The following SEC31A variants were observed in gnomAD, a reference collection of about 807,000 sequenced individuals.
The protein encoded by SEC31A is SEC31 homolog A, COPII component.
In SEC31A, 70 loss-of-function variants were observed where a neutral mutation model predicts 151.0. That is an observed-to-expected ratio of 0.46 (90% CI 0.38 to 0.57). The LOEUF (loss-of-function observed/expected upper bound fraction) is 0.57, where lower values mean the gene tolerates loss of function less well. SEC31A is among the 20% of genes least tolerant of loss of function. The pLI, the probability that SEC31A is intolerant of heterozygous loss-of-function variation, is 0.00. For missense variants in SEC31A, 1,330 were observed against 1,471.2 expected, an observed-to-expected ratio of 0.90 and a Z score of 1.57; for synonymous variants, 475 against 505.9, an observed-to-expected ratio of 0.94 and a Z score of 0.82.
chr4:82,869,856 A>C (rs1408476687), intron 8 of SEC31A, among the ~76,000 whole-genome samples: 2 of 152,232 alleles, frequency 1.3e-5, no homozygotes, highest in Non-Finnish European at 2.9e-5. Context: ...CACATAAAAA[A>C]GGTAAAAATA....
rs762132076 is a variant in SEC31A at position 82,874,727 on chromosome 4, C to A, written c.523G>T (p.Ala175Ser). The A allele has an allele frequency of 6.2e-7, 1 of 1,610,596 alleles. No individual in the cohort carries two copies. Among genetic ancestry groups the A allele is most frequent in the Non-Finnish European group, 8.5e-7 (1 of 1,179,394 alleles). ...TQPPEDISCI[A>S]WNRQVQHILA... ...ATATGCTGAACTTGTCTGTTCCATG[C>A]AATGCAGCTGATATCTTCTGGCGGC... The change falls in exon 6 of 27, where the codon GCA (alanine) becomes TCA (serine). Residue 175 changes from alanine to serine, a missense_variant. By Grantham distance (99) the Ala-to-Ser change is moderately conservative. Coordinates refer to ENST00000395310, the MANE Select transcript of SEC31A (RefSeq NM_001077207.4).
At chr4:82,838,905 A>G (rs1203621522) in intron 22 of SEC31A, among the ~76,000 whole-genome samples, 1 of 152,240 alleles carries the variant, frequency 6.6e-6, no homozygotes, top group Non-Finnish European at 1.5e-5. Context: ...GAAATTAACT[A>G]TTGAACAGCT....
chr4:82,837,604 C>CG (rs942157475), intron 22 of SEC31A, among the ~76,000 whole-genome samples: 3 of 152,048 alleles, frequency 2.0e-5, no homozygotes, highest in Non-Finnish European at 4.4e-5. Context: ...AGGCTGGTCT[C>CG]GAACTCCAGG....
At chr4:82,888,811 T>G (rs1312510074) in intron 1 of SEC31A, among the ~76,000 whole-genome samples, 4 of 152,258 alleles carry the variant, frequency 2.6e-5, no homozygotes, top group Non-Finnish European at 5.9e-5. Flanking sequence ...CTTTTTTATT[T>G]CTGCTCATTT....
chr4:82,859,791 AT>A (rs11319185), intron 14 of SEC31A, among the ~76,000 whole-genome samples: 102,616 of 140,450 alleles, frequency 0.73, 37,163 homozygotes, highest in Admixed American at 0.79. Context: ...GCATAAAAAT[AT>A]TTTTTTTTTT....
Position 82,857,740 on chromosome 4 carries a change from A to G in SEC31A, c.1651T>C (p.Ser551Pro). Reference protein sequence around the residue: ...GEHIKEEKEESEFLPSSGGTF... With the variant: ...GEHIKEEKEEPEFLPSSGGTF... The stretch of plus-strand genomic sequence containing the variant: ...CCTCCAGATGAGGGTAGAAATTCAG[A>G]TTCTTCTTTTTCCTCTTTAATGTGC... The change falls in exon 15 of 27, where the codon TCT (serine) becomes CCT (proline). Residue 551 changes from serine to proline, a missense_variant. By Grantham distance (74) the Ser-to-Pro change is moderately conservative (BLOSUM62 -1). Transcript: ENST00000395310. 1.2e-6 allele frequency: 2 copies of G among 1,602,128 alleles called. No individual in the cohort carries two copies. Among genetic ancestry groups the G allele is most frequent in the Non-Finnish European group, 1.7e-6 (2 of 1,169,542 alleles).
chr4:82,878,233 C>G (rs1032898929), intron 4 of SEC31A, among the ~76,000 whole-genome samples: 3 of 152,076 alleles, frequency 2.0e-5, no homozygotes, highest in South Asian at 2.1e-4. Flanking sequence ...CAGTGGCTCA[C>G]GTCTGTAATC....
At chr4:82,874,300 GAA>G (rs5859840) in intron 6 of SEC31A, among the ~76,000 whole-genome samples, 10 of 116,800 alleles carry the variant, frequency 8.6e-5, no homozygotes, top group South Asian at 2.5e-4. Context: ...TCCGTCTCAA[GAA>G]AAAAAAAAAA....
At chr4:82,857,872 C>T (rs1316508698) in intron 14 of SEC31A, 108 bp from the exon 15 acceptor site, 2 of 650,552 alleles carry the variant, frequency 3.1e-6, no homozygotes, top group East Asian at 2.7e-5. Context: ...GATGACATAC[C>T]AAGTTATTCC....
chr4:82,825,554 A>G (rs1345864175), intron 24 of SEC31A, among the ~76,000 whole-genome samples: 2 of 152,250 alleles, frequency 1.3e-5, no homozygotes, highest in Admixed American at 6.5e-5. Flanking sequence ...AATAACATGT[A>G]GAAAGGAAGG....
At chr4:82,831,684 G>A (rs1180496414) in intron 22 of SEC31A, among the ~76,000 whole-genome samples, 1 of 152,168 alleles carries the variant, frequency 6.6e-6, no homozygotes, top group Non-Finnish European at 1.5e-5. Flanking sequence ...TCTGTACCCT[G>A]CAGAAACTGT....
At chr4:82,872,512 C>CA (rs573732670) in intron 6 of SEC31A, among the ~76,000 whole-genome samples, 23 of 150,736 alleles carry the variant, frequency 1.5e-4, no homozygotes, top group Non-Finnish European at 2.8e-4. Flanking sequence ...AACAACAAAA[C>CA]AAAAACAAAT....
chr4:82,837,448 GCGATCA>G (rs769828837), intron 22 of SEC31A, among the ~76,000 whole-genome samples: 6 of 151,766 alleles, frequency 4.0e-5, no homozygotes, highest in Non-Finnish European at 2.9e-5. Flanking sequence ...CCGCCTAGGT[GCGATCA>G]CAGCTCACAA....
Position 82,828,995 on chromosome 4 carries a change from A to G in SEC31A, c.3027+5T>C, listed in dbSNP as rs1351200764. 1.2e-6 allele frequency: 2 copies of G among 1,612,512 alleles called. No homozygotes were observed. Among genetic ancestry groups the G allele is most frequent in the Non-Finnish European group, 1.7e-6 (2 of 1,178,684 alleles). ...GGCCATTGGATGGACATCTTTTTCT[A>G]GTACCTTCTTCTTTTTGGGTACTCT... On this transcript the variant is annotated splice_donor_5th_base_variant and intron_variant, in intron 23 of 26. Coordinates refer to ENST00000395310, the MANE Select transcript of SEC31A (RefSeq NM_001077207.4).
At chr4:82,873,400 CAA>C (rs34186652) in intron 6 of SEC31A, among the ~76,000 whole-genome samples, 1 of 150,752 alleles carries the variant, frequency 6.6e-6, no homozygotes, top group Non-Finnish European at 1.5e-5. Context: ...ACACAAGACA[CAA>C]AAAAACCCCA....
chr4:82,896,997 G>A (rs1720091949), intron 3 of SEC31A, among the ~76,000 whole-genome samples: 1 of 152,160 alleles, frequency 6.6e-6, no homozygotes, highest in Non-Finnish European at 1.5e-5. Context: ...ACCTTGTCAA[G>A]CAATCAGAAT....
At chr4:82,857,626 G>T in intron 15 of SEC31A, 63 bp downstream of exon 15, 1 of 1,056,466 alleles carries the variant, frequency 9.5e-7, no homozygotes, top group Non-Finnish European at 1.5e-6. Context: ...TAACTTAAAT[G>T]CAGGAACTAT....
rs56888042 is a variant in SEC31A, at chr4:82,837,199, A to ATATATATATATATATATATATAT, written c.2968+4940_2968+4941insATATATATATATATATATATATA. ...TATATATATATATATATATATATAT[A>ATATATATATATATATATATATAT]ATTTCACCACAATAAAAACTTTAAT... On this transcript the variant is annotated intron_variant, in intron 22 of 26. Transcript: ENST00000395310. 2.4e-5 allele frequency among the ~76,000 whole-genome samples: 2 copies of ATATATATATATATATATATATAT among 83,132 alleles called. 1 individual carries two copies. 54.5% of individuals were successfully genotyped at this position (83,132 alleles called of 152,430 possible). A position where few individuals can be genotyped will look rare whatever the true frequency, so the allele number is the denominator to read the frequency against.
At chr4:82,861,867 G>A in intron 13 of SEC31A, 159 bp from the exon 14 acceptor site, 3 of 347,024 alleles carry the variant, frequency 8.6e-6, no homozygotes, top group East Asian at 4.6e-5. Context: ...ACCATTAGAG[G>A]AAAAGCAAAG....
Sources: gnomAD v4.1 joint callset for allele counts (sites outside exome capture counted in the v4.1 genomes callset) on GRCh38, gnomAD v4.1.1 for gene constraint, MANE v1.5 for transcripts, NCBI Gene and HGNC (gene_info 2026-07-23, HGNC 2026-07-21) for gene names.